UGT1A5: variants seen among roughly 807,000 people sequenced by gnomAD.
UGT1A5 encodes the protein UDP glucuronosyltransferase family 1 member A5.
In UGT1A5, 29 loss-of-function variants were observed where a neutral mutation model predicts 40.3. That is an observed-to-expected ratio of 0.72 (90% CI 0.54 to 0.98). The LOEUF (loss-of-function observed/expected upper bound fraction) is 0.98. Ranked by LOEUF, UGT1A5 falls within the 50% of genes least tolerant of loss-of-function variation. UGT1A5 has a pLI of 0.00. For missense variants in UGT1A5, 678 were observed against 677.9 expected, an observed-to-expected ratio of 1.00 and a Z score of 0.00; for synonymous variants, 257 against 262.5, an observed-to-expected ratio of 0.98 and a Z score of 0.20.
In UGT1A5 at chr2:233,772,286, C is replaced by T. The variant is rs1559419792; in HGVS notation, c.1332C>T (p.Leu444=). ...DKSYKENIMR[L]SSLHKDRPVE... ...GTTACAAGGAGAACATCATGCGCCT[C>T]TCCAGCCTTCACAAGGACCGCCCGG... The change falls in exon 5 of 5, where the codon CTC becomes CTT. Residue 444 remains leucine, a synonymous_variant. Transcript: ENST00000373414. 1 of 1,614,248 alleles carries T rather than the reference C, an allele frequency of 6.2e-7. No homozygotes were observed. The highest frequency in any genetic ancestry group is 8.5e-7 in the Non-Finnish European group (1 of 1,180,054).
intron 1 of UGT1A5, among the ~76,000 whole-genome samples, chr2:233,758,385 T>A (rs1230615266): frequency 6.6e-6 from 1 of 152,262 alleles, no homozygotes; most frequent in Non-Finnish European, 1.5e-5. Context: ...TGGTGACTTA[T>A]GTGTTTATAG....
At chr2:233,754,746 A>G (rs1695573516) in intron 1 of UGT1A5, 1 of 757,186 alleles carries the variant, frequency 1.3e-6, no homozygotes, top group Non-Finnish European at 2.0e-6. Flanking sequence ...GGACATGCAG[A>G]AGGAAGAAAG....
intron 1 of UGT1A5, chr2:233,760,655 T>C (rs1293428675): frequency 1.9e-6 from 3 of 1,614,216 alleles, no homozygotes; most frequent in South Asian, 2.2e-5. Flanking sequence ...TCTGCTATGC[T>C]TTTGTCTGGC....
At position 233,769,854 on chromosome 2, in the gene UGT1A5, T is replaced by G; in HGVS notation, c.1307+1415T>G. ...ACCTGGGCAACAGAGTGAGACCCTG[T>G]CTCAAAAAAAAAAAAAAAAATGAAA... On this transcript the variant is annotated intron_variant, in intron 4 of 4. Coordinates refer to ENST00000373414, the MANE Select transcript of UGT1A5 (RefSeq NM_019078.2). This position sits in a 1 kb window ranked among gnomAD's most constrained non-coding sequence, Gnocchi z 4.4. The G allele has an allele frequency of 2.3e-6, 1 of 426,362 alleles. No homozygotes were observed. Among genetic ancestry groups the G allele is most frequent in the Non-Finnish European group, 3.7e-6 (1 of 266,728 alleles). The allele number at this position is 426,362 out of a possible 1,614,324, so 26.4% of individuals were successfully genotyped here.
Position 233,772,646 on chromosome 2 carries a change from A to G in UGT1A5, c.*87A>G. The G allele has an allele frequency of 6.5e-7, 1 of 1,549,870 alleles. No individual in the cohort carries two copies. ...ACAGAATCAGTGTTAAATTCATTTTATTCTTATTAAGGAAATACTTTGCAT... is the reference window on the plus strand; with the variant it reads ...ACAGAATCAGTGTTAAATTCATTTTGTTCTTATTAAGGAAATACTTTGCAT... On this transcript the variant is annotated 3_prime_UTR_variant, in exon 5 of 5. Transcript: ENST00000373414.
chr2:233,753,001 T>C (rs1372117630), intron 1 of UGT1A5, among the ~76,000 whole-genome samples: 3 of 151,962 alleles, frequency 2.0e-5, no homozygotes, highest in African/African-American at 7.3e-5. Context: ...CATTCTATCC[T>C]ACCCAGAGTG....
chr2:233,747,481 A>T, intron 1 of UGT1A5: 1 of 1,608,962 alleles, frequency 6.2e-7, no homozygotes, highest in South Asian at 1.1e-5. Flanking sequence ...GATGAATTTG[A>T]TCGCCTTGTG....
At chr2:233,768,612 A>C (rs1575836446) in intron 4 of UGT1A5, among the ~76,000 whole-genome samples, 173 bp downstream of exon 4, 1 of 107,010 alleles carries the variant, frequency 9.3e-6, no homozygotes, top group African/African-American at 3.6e-5. Context: ...TTTGAGATGG[A>C]GTCTTGCTCT....
In UGT1A5 at chr2:233,772,754, T is replaced by G; in HGVS notation, c.*195T>G. ...GCTAGTCAGTAAAGATATTTGAATA[T>G]GTATCGTGCCCCCTCTGGTGTCTTT... On this transcript the variant is annotated 3_prime_UTR_variant, in exon 5 of 5. Transcript: ENST00000373414. 1 of 1,409,478 alleles carries G rather than the reference T, an allele frequency of 7.1e-7. No homozygotes were observed. Among genetic ancestry groups the G allele is most frequent in the South Asian group, 1.5e-5 (1 of 66,636 alleles). 87.3% of individuals were successfully genotyped at this position (1,409,478 alleles called of 1,614,324 possible). A position where few individuals can be genotyped will look rare whatever the true frequency, so the allele number is the denominator to read the frequency against.
chr2:233,741,944 G>C (rs570984186), intron 1 of UGT1A5: 2 of 152,018 alleles, frequency 1.3e-5, no homozygotes, highest in African/African-American at 4.8e-5. Context: ...TGTGCCAACA[G>C]AAAGGTACTT....
chr2:233,772,287 T>C lies in UGT1A5; in HGVS notation c.1333T>C (p.Ser445Pro), dbSNP rs1575870013. 1 of 1,614,254 alleles carries C rather than the reference T, an allele frequency of 6.2e-7. No individual in the cohort carries two copies. ...TTACAAGGAGAACATCATGCGCCTC[T>C]CCAGCCTTCACAAGGACCGCCCGGT... ...KSYKENIMRL[S>P]SLHKDRPVEP... is the part of the protein sequence containing the mutation. The change falls in exon 5 of 5, where the codon TCC (serine) becomes CCC (proline). Residue 445 changes from serine (S) to proline (P), a missense_variant. Transcript: ENST00000373414.
At chr2:233,725,897 G>A (rs2077482523) in intron 1 of UGT1A5, among the ~76,000 whole-genome samples, 1 of 152,122 alleles carries the variant, frequency 6.6e-6, no homozygotes, top group Admixed American at 6.5e-5. Flanking sequence ...GCAGGTGGGT[G>A]GCTCACACCT....
chr2:233,747,087 G>A, intron 1 of UGT1A5: 5 of 1,192,212 alleles, frequency 4.2e-6, no homozygotes, highest in Non-Finnish European at 5.8e-6. Flanking sequence ...TAGGAGGAGA[G>A]CACTCTATCT....
At chr2:233,743,412 T>C (rs1692284250) in intron 1 of UGT1A5, 48 of 1,321,888 alleles carry the variant, frequency 3.6e-5, no homozygotes, top group Non-Finnish European at 4.8e-5. Flanking sequence ...GGCCCCCACT[T>C]CCCAGGGAGC....
rs751560477 is a variant in UGT1A5 at position 233,754,882 on chromosome 2, G to T, written c.868-12152G>T. 3 of 1,352,084 alleles carry T rather than the reference G, an allele frequency of 2.2e-6. No homozygotes were observed. The African/African-American group carries it at 4.4e-5, about 20-fold the overall frequency. The allele number at this position is 1,352,084 out of a possible 1,614,324, so 83.8% of individuals were successfully genotyped here. On this transcript the variant is annotated intron_variant, in intron 1 of 4. Transcript: ENST00000373414. ...GCAGACCCTCTGCTTCTGCTTCCCA[G>T]GGAGTTCCTCTGACCCCCCAAAATA...
intron 1 of UGT1A5, chr2:233,743,038 A>C (rs968490640): frequency 1.1e-4 from 31 of 283,022 alleles, no homozygotes; most frequent in Non-Finnish European, 2.8e-5. Context: ...CAGAGGTCCT[A>C]TCCGTGTAGT....
intron 1 of UGT1A5, chr2:233,747,959 C>T: frequency 6.2e-7 from 1 of 1,613,522 alleles, no homozygotes; most frequent in Non-Finnish European, 8.5e-7. Context: ...TGGATCTTCT[C>T]AGCCATGCAT....
In UGT1A5 at chr2:233,742,896, A is replaced by G. The variant is rs28900374; in HGVS notation, c.868-24138A>G. On this transcript the variant is annotated intron_variant, in intron 1 of 4. Coordinates refer to ENST00000373414, the MANE Select transcript of UGT1A5 (RefSeq NM_019078.2). ...CACCTGGCTCACACTTTCCCAACGG[A>G]AAAAGGTAATGCTCAAAGTGCTGAA... 1,545 of 165,018 alleles carry G rather than the reference A, an allele frequency of 9.4e-3. 58 individuals are homozygous for G. Among genetic ancestry groups the G allele is most frequent in the African/African-American group, 0.035 (1,468 of 41,444 alleles). 10.2% of individuals were successfully genotyped at this position (165,018 alleles called of 1,614,324 possible). A position where few individuals can be genotyped will look rare whatever the true frequency, so the allele number is the denominator to read the frequency against.
intron 1 of UGT1A5, among the ~76,000 whole-genome samples, chr2:233,720,622 C>T (rs1468465541): frequency 1.3e-5 from 2 of 151,716 alleles, no homozygotes; most frequent in African/African-American, 4.8e-5. Context: ...ATTTGGGTTT[C>T]ATTGAAATAG....
Sources: gnomAD v4.1 joint callset for allele counts (sites outside exome capture counted in the v4.1 genomes callset) on GRCh38, gnomAD v4.1.1 for gene constraint, Gnocchi (gnomAD v3.1) non-coding constraint, MANE v1.5 for transcripts, NCBI Gene and HGNC (gene_info 2026-07-23, HGNC 2026-07-21) for gene names.